The following SH3GL2 variants were observed in gnomAD, a reference collection of about 807,000 sequenced individuals.
SH3GL2 encodes SH3 domain containing GRB2 like 2, endophilin A1.
SH3GL2 carries 24 observed loss-of-function variants against 46.0 expected under a neutral mutation model. That is an observed-to-expected ratio of 0.52 (90% confidence interval 0.38 to 0.73). The LOEUF is 0.73. SH3GL2 is among the 30% of genes least tolerant of loss of function. The pLI is 0.00. For missense variants in SH3GL2, 413 were observed against 424.2 expected (o/e 0.97, Z 0.23); for synonymous variants, 196 against 147.1 (o/e 1.33, Z -2.40).
At chr9:17,789,349 C>G in intron 5 of SH3GL2, 43 bp from the exon 6 acceptor site, 5 of 1,572,752 alleles carry the variant, frequency 3.2e-6, no homozygotes, top group Non-Finnish European at 4.4e-6. Context: ...AAGCCTTTTC[C>G]ATAAGCCCTT....
At chr9:17,761,057 C>T (rs182579824) in intron 2 of SH3GL2, among the ~76,000 whole-genome samples, 10 of 152,300 alleles carry the variant, frequency 6.6e-5, no homozygotes, top group Admixed American at 5.2e-4. Flanking sequence ...AGAGTTGATG[C>T]TGCATGATTC....
At chr9:17,747,831 G>A (rs963717055) in intron 2 of SH3GL2, among the ~76,000 whole-genome samples, 11 of 151,868 alleles carry the variant, frequency 7.2e-5, no homozygotes, top group Non-Finnish European at 1.2e-4. Context: ...GCACCACCAC[G>A]TCTGGCTAAT....
intron 1 of SH3GL2, among the ~76,000 whole-genome samples, chr9:17,603,170 T>A (rs1163518499): frequency 6.6e-6 from 1 of 152,180 alleles, no homozygotes; most frequent in Non-Finnish European, 1.5e-5. Flanking sequence ...TAAAATATGT[T>A]TTTGAACATA....
intron 3 of SH3GL2, among the ~76,000 whole-genome samples, chr9:17,767,418 A>G (rs1158425079): frequency 6.6e-6 from 1 of 152,212 alleles, no homozygotes; most frequent in Non-Finnish European, 1.5e-5. Context: ...GCTCTTAATC[A>G]TGTCCTTCCA....
chr9:17,602,076 C>A (rs1818682446), intron 1 of SH3GL2, among the ~76,000 whole-genome samples: 1 of 152,184 alleles, frequency 6.6e-6, no homozygotes, highest in Admixed American at 6.5e-5. Flanking sequence ...CTTCTGAAAA[C>A]CACAGAAACA....
intron 1 of SH3GL2, among the ~76,000 whole-genome samples, chr9:17,597,368 T>G (rs915323684): frequency 6.6e-6 from 1 of 151,978 alleles, no homozygotes; most frequent in African/African-American, 2.4e-5. Context: ...TACAAAAAAA[T>G]TAGCTGGGTA....
chr9:17,674,449 T>C (rs568274963), intron 1 of SH3GL2, among the ~76,000 whole-genome samples: 1 of 152,024 alleles, frequency 6.6e-6, no homozygotes, highest in East Asian at 1.9e-4. Context: ...GTTTTTTTAG[T>C]AGGGACAGGG....
chr9:17,743,081 C>T (rs61439272), intron 1 of SH3GL2, among the ~76,000 whole-genome samples: 14,480 of 152,176 alleles, frequency 0.095, 969 homozygotes, highest in Admixed American at 0.22. Flanking sequence ...AGAAACAGAG[C>T]TCTTCATTAT....
chr9:17,696,335 GT>G (rs1821201004), intron 1 of SH3GL2, among the ~76,000 whole-genome samples: 1 of 152,144 alleles, frequency 6.6e-6, no homozygotes. Flanking sequence ...GAAGAAAACG[GT>G]TTTATAAACA....
intron 1 of SH3GL2, among the ~76,000 whole-genome samples, chr9:17,670,464 G>C (rs1820446006): frequency 6.6e-6 from 1 of 152,146 alleles, no homozygotes; most frequent in African/African-American, 2.4e-5. Flanking sequence ...TTTAATTATA[G>C]GGGCTTTTCA....
At chr9:17,687,881 C>T (rs1820963767) in intron 1 of SH3GL2, among the ~76,000 whole-genome samples, 1 of 152,038 alleles carries the variant, frequency 6.6e-6, no homozygotes, top group Non-Finnish European at 1.5e-5. Flanking sequence ...ATATTTGTTA[C>T]CATGGCGAGG....
intron 1 of SH3GL2, among the ~76,000 whole-genome samples, chr9:17,684,790 T>G (rs1820862222): frequency 6.6e-6 from 1 of 152,106 alleles, no homozygotes; most frequent in Non-Finnish European, 1.5e-5. Flanking sequence ...GTTACAGTGT[T>G]AACAGAATAA....
At chr9:17,725,871 A>G (rs1219261548) in intron 1 of SH3GL2, among the ~76,000 whole-genome samples, 17 of 152,122 alleles carry the variant, frequency 1.1e-4, no homozygotes, top group Admixed American at 1.1e-3. Context: ...CTTTCAGGTG[A>G]AACTCTAGCC....
chr9:17,769,186 G>A (rs1268669553), intron 3 of SH3GL2, among the ~76,000 whole-genome samples: 1 of 152,134 alleles, frequency 6.6e-6, no homozygotes, highest in Non-Finnish European at 1.5e-5. Context: ...TTTCTTCAGA[G>A]CATTTAGCAC....
At chr9:17,750,610 G>T (rs887544996) in intron 2 of SH3GL2, among the ~76,000 whole-genome samples, 4 of 152,090 alleles carry the variant, frequency 2.6e-5, no homozygotes, top group African/African-American at 7.2e-5. Flanking sequence ...GCTGTCTGTT[G>T]CTTACAAGCT....
intron 1 of SH3GL2, among the ~76,000 whole-genome samples, chr9:17,585,991 G>A (rs183413291): frequency 2.6e-5 from 4 of 152,272 alleles, no homozygotes; most frequent in East Asian, 1.9e-4. Context: ...CATGGTATCC[G>A]ATGGATAATA....
chr9:17,737,200 CAG>C (rs1491369292), intron 1 of SH3GL2, among the ~76,000 whole-genome samples: 13 of 151,794 alleles, frequency 8.6e-5, no homozygotes, highest in Admixed American at 1.3e-4. Context: ...TGGCGCCTGT[CAG>C]GGGGTGGGGG....
intron 2 of SH3GL2, among the ~76,000 whole-genome samples, chr9:17,749,512 A>G (rs76929794): frequency 8.5e-4 from 130 of 152,300 alleles, no homozygotes; most frequent in African/African-American, 2.9e-3. Context: ...CATTAATGAA[A>G]GATTAGGCAG....
intron 8 of SH3GL2, among the ~76,000 whole-genome samples, chr9:17,794,983 T>C (rs1057169852): frequency 1.3e-5 from 2 of 152,228 alleles, no homozygotes; most frequent in African/African-American, 4.8e-5. Context: ...AAACTTGAAC[T>C]CAGTGTTTTA....
Sources: allele counts gnomAD v4.1 joint callset (sites outside exome capture counted in the v4.1 genomes callset), GRCh38; gene constraint gnomAD v4.1.1; transcripts MANE v1.5; gene names NCBI Gene and HGNC (gene_info 2026-07-23, HGNC 2026-07-21).